Variants in SMAD3 observed in about 807,000 individuals in gnomAD.
SMAD3 encodes the protein MAD homolog 3.
In SMAD3, 12 loss-of-function variants were observed where a neutral mutation model predicts 51.8. The ratio of observed to expected loss-of-function variants is 0.23; its 90% CI spans 0.15 to 0.38. The LOEUF is 0.38. SMAD3 is among the 10% of genes least tolerant of loss of function. SMAD3 has a pLI of 1.00. For missense variants in SMAD3, 294 were observed against 565.6 expected (o/e 0.52, Z 4.87); for synonymous variants, 238 against 227.7 (o/e 1.05, Z -0.41).
chr15:67,157,729 C>T (rs1021311461), intron 1 of SMAD3, among the ~76,000 whole-genome samples: 2 of 152,184 alleles, frequency 1.3e-5, no homozygotes, highest in African/African-American at 4.8e-5. Context: ...CCTTGGGGTA[C>T]ACTCTGGCAG....
At chr15:67,158,742 C>T (rs953062147) in intron 1 of SMAD3, among the ~76,000 whole-genome samples, 1 of 152,228 alleles carries the variant, frequency 6.6e-6, no homozygotes, top group East Asian at 1.9e-4. Flanking sequence ...ATAAGGAACA[C>T]AGAAGCCTTG....
Position 67,184,844 on chromosome 15 carries a change from C to T in SMAD3, c.989C>T (p.Thr330Ile). Reference sequence around the variant, plus strand: ...CAGCGCTATGGCTGGCACCCGGCCACCGTCTGCAAGATCCCACCAGGTAAA... The same window carrying T: ...CAGCGCTATGGCTGGCACCCGGCCATCGTCTGCAAGATCCCACCAGGTAAA... ...CNQRYGWHPA[T>I]VCKIPPGCNL... The change falls in exon 7 of 9, where the codon ACC (threonine) becomes ATC (isoleucine). Residue 330 changes from threonine (T) to isoleucine (I), a missense_variant. By Grantham distance (89) the Thr-to-Ile change is moderately conservative. Coordinates refer to ENST00000327367, the MANE Select transcript of SMAD3 (RefSeq NM_005902.4). The T allele has an allele frequency of 6.2e-7, 1 of 1,613,236 alleles. No individual in the cohort carries two copies. The highest frequency in any genetic ancestry group is 8.5e-7 in the Non-Finnish European group (1 of 1,180,046).
chr15:67,100,243 T>C (rs1960720974), intron 1 of SMAD3, among the ~76,000 whole-genome samples: 1 of 148,564 alleles, frequency 6.7e-6, no homozygotes, highest in East Asian at 2.0e-4. Context: ...CTTGAAAACA[T>C]TGTGCTGAGT....
At chr15:67,169,279 T>C (rs1962678363) in intron 4 of SMAD3, among the ~76,000 whole-genome samples, 1 of 152,108 alleles carries the variant, frequency 6.6e-6, no homozygotes, top group Non-Finnish European at 1.5e-5. Context: ...CATCCCCCTT[T>C]GCATTTGGGG....
chr15:67,189,107 T>C (rs1963296566), intron 8 of SMAD3, among the ~76,000 whole-genome samples: 1 of 152,204 alleles, frequency 6.6e-6, no homozygotes, highest in African/African-American at 2.4e-5. Context: ...GCTTAGCTCA[T>C]TTAGGGAACA....
At chr15:67,165,484 C>T (rs953297656) in intron 3 of SMAD3, 100 bp downstream of exon 3, 89 of 1,401,856 alleles carry the variant, frequency 6.3e-5, no homozygotes, top group African/African-American at 1.7e-4. Context: ...GGCCGTCCCC[C>T]GCTCACCCCC....
chr15:67,093,904 G>A (rs528666621), intron 1 of SMAD3, among the ~76,000 whole-genome samples: 1 of 152,312 alleles, frequency 6.6e-6, no homozygotes, highest in African/African-American at 2.4e-5. Flanking sequence ...CGTCTTTGTT[G>A]ATCTCATTTG....
intron 6 of SMAD3, among the ~76,000 whole-genome samples, chr15:67,184,208 C>T (rs1245587825): frequency 4.0e-5 from 6 of 150,936 alleles, no homozygotes; most frequent in Admixed American, 4.0e-4. Context: ...CTCAAGCAAT[C>T]CACTCACCTC....
At chr15:67,069,021 G>A (rs1237632727) in intron 1 of SMAD3, among the ~76,000 whole-genome samples, 2 of 152,140 alleles carry the variant, frequency 1.3e-5, no homozygotes, top group Non-Finnish European at 2.9e-5. Context: ...TCTGGACTCC[G>A]GGGTTTAAGG....
chr15:67,128,457 G>A (rs967921335), intron 1 of SMAD3, among the ~76,000 whole-genome samples: 15 of 152,140 alleles, frequency 9.9e-5, no homozygotes, highest in African/African-American at 2.7e-4. Context: ...GATTAAAAGA[G>A]CTGGTGTGTG....
intron 1 of SMAD3, among the ~76,000 whole-genome samples, chr15:67,084,505 G>A (rs1231149069): frequency 6.6e-6 from 1 of 152,146 alleles, no homozygotes; most frequent in Non-Finnish European, 1.5e-5. Flanking sequence ...GCCTTCAGAG[G>A]GGAACCATTC....
At chr15:67,111,118 A>G (rs990814182) in intron 1 of SMAD3, among the ~76,000 whole-genome samples, 3 of 152,224 alleles carry the variant, frequency 2.0e-5, no homozygotes, top group African/African-American at 7.2e-5. Flanking sequence ...TCAACACCAC[A>G]AAAAGAAACC....
At chr15:67,137,894 G>A in intron 1 of SMAD3, 1 of 646,864 alleles carries the variant, frequency 1.5e-6, no homozygotes, top group East Asian at 2.8e-5. Flanking sequence ...TTCTGTCTGG[G>A]TGTTGCCAGG....
chr15:67,158,050 A>C (rs1481333947), intron 1 of SMAD3, among the ~76,000 whole-genome samples: 1 of 152,150 alleles, frequency 6.6e-6, no homozygotes, highest in Non-Finnish European at 1.5e-5. Context: ...CTGTACTCCT[A>C]ATGCTAGCAG....
At chr15:67,156,621 T>A (rs1962289952) in intron 1 of SMAD3, among the ~76,000 whole-genome samples, 1 of 152,244 alleles carries the variant, frequency 6.6e-6, no homozygotes, top group East Asian at 1.9e-4. Context: ...GTGGAGTCAG[T>A]GCATCAGTCA....
chr15:67,139,680 T>C (rs754252470), intron 1 of SMAD3, among the ~76,000 whole-genome samples: 2 of 152,126 alleles, frequency 1.3e-5, no homozygotes, highest in African/African-American at 4.8e-5. Flanking sequence ...ATTCCAGCTA[T>C]GTTAAAAGGC....
intron 1 of SMAD3, among the ~76,000 whole-genome samples, chr15:67,107,098 G>A (rs991626233): frequency 6.6e-6 from 1 of 151,700 alleles, no homozygotes; most frequent in African/African-American, 2.4e-5. Flanking sequence ...CCCACCCAGG[G>A]CTCAGCACAG....
chr15:67,181,993 G>A (rs1381742352), intron 6 of SMAD3, among the ~76,000 whole-genome samples: 1 of 152,048 alleles, frequency 6.6e-6, no homozygotes, highest in Non-Finnish European at 1.5e-5. Context: ...CTCCATGTTG[G>A]CCAGGCTGGT....
chr15:67,075,376 C>T (rs1285542175), intron 1 of SMAD3, among the ~76,000 whole-genome samples: 3 of 152,206 alleles, frequency 2.0e-5, no homozygotes, highest in Non-Finnish European at 4.4e-5. Context: ...CAACCCTTTA[C>T]ATTTTGTGTG....
Sources: allele counts gnomAD v4.1 joint callset (sites outside exome capture counted in the v4.1 genomes callset), GRCh38; gene constraint gnomAD v4.1.1; transcripts MANE v1.5; gene names NCBI Gene and HGNC (gene_info 2026-07-23, HGNC 2026-07-21).